The following FAM168A variants were observed in gnomAD, a reference collection of about 807,000 sequenced individuals.
FAM168A encodes family with sequence similarity 168 member A, also known as protein FAM168A.
A neutral mutation model predicts 28.5 loss-of-function variants in FAM168A; 3 were observed. The observed-to-expected ratio is 0.11, with a 90% CI of 0.05 to 0.27. FAM168A has a LOEUF of 0.27. Among genes scored for constraint, FAM168A ranks in the 10% least tolerant of loss-of-function variants. The pLI, the probability that FAM168A is intolerant of heterozygous loss-of-function variation, is 1.00. For missense variants in FAM168A, 222 were observed against 311.5 expected, an observed-to-expected ratio of 0.71 and a Z score of 2.16; for synonymous variants, 122 against 124.2, an observed-to-expected ratio of 0.98 and a Z score of 0.12.
At chr11:73,578,319 G>C (rs1944200277) in intron 1 of FAM168A, among the ~76,000 whole-genome samples, 1 of 152,130 alleles carries the variant, frequency 6.6e-6, no homozygotes, top group Non-Finnish European at 1.5e-5. Context: ...AGACTTCAAA[G>C]GGGCACCAAG....
intron 1 of FAM168A, among the ~76,000 whole-genome samples, chr11:73,516,685 A>G (rs2134644962): frequency 6.6e-6 from 1 of 152,274 alleles, no homozygotes; most frequent in East Asian, 1.9e-4. Context: ...CTTCTCATAG[A>G]TTTTGAGTGT....
chr11:73,474,021 G>C (rs1867852562), intron 1 of FAM168A, among the ~76,000 whole-genome samples: 1 of 151,876 alleles, frequency 6.6e-6, no homozygotes. Context: ...TGTTGGCCAG[G>C]CTGGTCTCAA....
intron 1 of FAM168A, among the ~76,000 whole-genome samples, chr11:73,586,706 T>C (rs1190721255): frequency 6.6e-6 from 1 of 152,236 alleles, no homozygotes; most frequent in Non-Finnish European, 1.5e-5. Context: ...ACAAGATTAT[T>C]TGCCTATGGC....
At position 73,405,534 on chromosome 11, in the gene FAM168A, C is replaced by T. The variant is rs1866490125; in HGVS notation, c.*1229G>A. ...GGAAGTCCTTTCCGCTTCTCTGGGCCTCAGTTTCCTCATCTGCCAAATAGG... is the reference window on the plus strand; with the variant it reads ...GGAAGTCCTTTCCGCTTCTCTGGGCTTCAGTTTCCTCATCTGCCAAATAGG... On this transcript the variant is annotated 3_prime_UTR_variant, in exon 8 of 8. Coordinates refer to ENST00000356467, the MANE Select transcript of FAM168A (RefSeq NM_015159.3). The T allele has an allele frequency of 6.6e-6, 1 of 152,206 alleles. No homozygotes were observed. Among genetic ancestry groups the T allele is most frequent in the Non-Finnish European group, 1.5e-5 (1 of 68,052 alleles). 9.4% of individuals were successfully genotyped at this position (152,206 alleles called of 1,614,324 possible).
chr11:73,464,423 C>A (rs1867701090), intron 2 of FAM168A, among the ~76,000 whole-genome samples: 1 of 151,334 alleles, frequency 6.6e-6, no homozygotes, highest in African/African-American at 2.4e-5. Flanking sequence ...AGAGTTGTAT[C>A]TTTTGTTACT....
At chr11:73,519,881 C>G (rs993859069) in intron 1 of FAM168A, among the ~76,000 whole-genome samples, 9 of 151,280 alleles carry the variant, frequency 5.9e-5, no homozygotes, top group Admixed American at 3.3e-4. Context: ...AGACTGGTCT[C>G]AAACTCCTGG....
rs139948689 is a variant in FAM168A, at chr11:73,405,612, T to C, written c.*1151A>G. On this transcript the variant is annotated 3_prime_UTR_variant, in exon 8 of 8. Transcript: ENST00000356467. ...CCTTCAGTTCCATGAGTCTATGAAA[T>C]GTTTATTGCTATTGCTTTTCCTTCA... is the stretch of plus-strand genomic sequence containing the variant. The C allele has an allele frequency of 6.6e-6, 1 of 152,276 alleles. No homozygotes were observed. Among genetic ancestry groups the C allele is most frequent in the East Asian group, 1.9e-4 (1 of 5,190 alleles). The allele number at this position is 152,276 out of a possible 1,614,324, so 9.4% of individuals were successfully genotyped here. A position where few individuals can be genotyped will look rare whatever the true frequency, so the allele number is the denominator to read the frequency against.
chr11:73,533,331 T>C (rs1015703029), intron 1 of FAM168A, among the ~76,000 whole-genome samples: 3 of 152,198 alleles, frequency 2.0e-5, no homozygotes, highest in Non-Finnish European at 4.4e-5. Flanking sequence ...CTTGTCTTTC[T>C]GGAACACACA....
intron 2 of FAM168A, among the ~76,000 whole-genome samples, chr11:73,459,846 G>C (rs1206014756): frequency 1.3e-5 from 2 of 151,960 alleles, no homozygotes; most frequent in East Asian, 3.9e-4. Flanking sequence ...CTATCCAGAG[G>C]GGTTGACCAG....
At chr11:73,597,868 G>C (rs1471993986) in intron 1 of FAM168A, 55 bp downstream of exon 1, 1 of 152,244 alleles carries the variant, frequency 6.6e-6, no homozygotes, top group Admixed American at 6.6e-5. Flanking sequence ...TCTCGCCAGC[G>C]CCACCGGCCC....
chr11:73,409,418 CTG>C lies in FAM168A; in HGVS notation c.595+67_595+68del, dbSNP rs1225164146. The C allele has an allele frequency of 3.8e-6, 6 of 1,592,752 alleles. No homozygotes were observed. The Admixed American group carries it at 1.0e-4, about 28-fold the overall frequency. ...TGCTGTGCTGCAGCCAATTCTATGA[CTG>C]TGTTCTCTGCTCCGTTTTGAGTTCC... On this transcript the variant is annotated intron_variant, in intron 6 of 7. Coordinates refer to ENST00000356467, the MANE Select transcript of FAM168A (RefSeq NM_015159.3).
At chr11:73,494,815 C>T (rs1854837026) in intron 1 of FAM168A, among the ~76,000 whole-genome samples, 1 of 152,144 alleles carries the variant, frequency 6.6e-6, no homozygotes, top group Non-Finnish European at 1.5e-5. Context: ...GCCTGGCCAA[C>T]ATGGCGAAAC....
intron 1 of FAM168A, among the ~76,000 whole-genome samples, chr11:73,483,420 A>G (rs562955606): frequency 1.3e-5 from 2 of 152,332 alleles, no homozygotes; most frequent in East Asian, 3.9e-4. Flanking sequence ...TCCTCTATAA[A>G]ACAGAAATAC....
intron 2 of FAM168A, among the ~76,000 whole-genome samples, chr11:73,467,449 C>A (rs569316624): frequency 6.6e-6 from 1 of 152,066 alleles, no homozygotes; most frequent in South Asian, 2.1e-4. Flanking sequence ...AAACACATTA[C>A]CGAGTCCTAC....
chr11:73,441,538 G>A (rs947039035), intron 2 of FAM168A, among the ~76,000 whole-genome samples: 27 of 152,178 alleles, frequency 1.8e-4, no homozygotes, highest in African/African-American at 6.0e-4. Flanking sequence ...CTCATAGAAC[G>A]AGTTAGAAAG....
At chr11:73,459,479 C>CT (rs1319732787) in intron 2 of FAM168A, among the ~76,000 whole-genome samples, 10 of 147,598 alleles carry the variant, frequency 6.8e-5, no homozygotes, top group Non-Finnish European at 1.3e-4. Flanking sequence ...GAGCAAGACT[C>CT]TGAGTCAAAA....
At chr11:73,448,211 C>A (rs1867357981) in intron 2 of FAM168A, among the ~76,000 whole-genome samples, 1 of 152,084 alleles carries the variant, frequency 6.6e-6, no homozygotes, top group South Asian at 2.1e-4. Flanking sequence ...CCACGCCCAG[C>A]TAATTTTTGT....
chr11:73,589,343 T>G (rs990531034), intron 1 of FAM168A, among the ~76,000 whole-genome samples: 3 of 152,162 alleles, frequency 2.0e-5, no homozygotes, highest in Non-Finnish European at 2.9e-5. Context: ...TGGTTCAGAC[T>G]GTACAAGGCA....
chr11:73,566,110 G>C (rs1194645387), intron 1 of FAM168A, among the ~76,000 whole-genome samples: 1 of 152,166 alleles, frequency 6.6e-6, no homozygotes, highest in Non-Finnish European at 1.5e-5. Flanking sequence ...TGAGTTTTAA[G>C]GGATTAACAC....
Sources: allele counts gnomAD v4.1 joint callset (sites outside exome capture counted in the v4.1 genomes callset), GRCh38; gene constraint gnomAD v4.1.1; transcripts MANE v1.5; gene names NCBI Gene and HGNC (gene_info 2026-07-23, HGNC 2026-07-21).